DNM3: variants seen among roughly 807,000 people sequenced by gnomAD.
DNM3 encodes dynamin 3.
In DNM3, 47 loss-of-function variants were observed where a neutral mutation model predicts 101.6. That is an observed-to-expected ratio of 0.46 (90% confidence interval 0.37 to 0.59). The LOEUF (loss-of-function observed/expected upper bound fraction) is 0.59, where lower values mean the gene tolerates loss of function less well. Ranked by LOEUF, DNM3 falls within the 20% of genes least tolerant of loss-of-function variation. The pLI, the probability that DNM3 is intolerant of heterozygous loss-of-function variation, is 0.00. For synonymous variants in DNM3, 385 were observed against 387.9 expected (o/e 0.99, Z 0.09); for missense variants, 849 against 1,085.7 (o/e 0.78, Z 3.06).
At chr1:172,223,863 C>A (rs1336225262) in intron 14 of DNM3, among the ~76,000 whole-genome samples, 2 of 152,062 alleles carry the variant, frequency 1.3e-5, no homozygotes, top group African/African-American at 4.8e-5. Flanking sequence ...CTTGATATTC[C>A]CACTGCCACG....
intron 1 of DNM3, among the ~76,000 whole-genome samples, chr1:171,886,452 C>G (rs941745830): frequency 2.0e-5 from 3 of 151,876 alleles, no homozygotes; most frequent in Non-Finnish European, 4.4e-5. Flanking sequence ...GCAAAGGGAA[C>G]ACAAAAAACA....
Position 172,160,837 on chromosome 1 carries a change from G to A in DNM3, c.1659+29549G>A, listed in dbSNP as rs184950840. Among the ~76,000 whole-genome samples the A allele has an allele frequency of 1.1e-4, 17 of 152,088 alleles. No homozygotes were observed. In the East Asian group the frequency reaches 3.1e-3, roughly 28 times the overall value. On this transcript the variant is annotated intron_variant, in intron 14 of 20. Coordinates refer to ENST00000627582, the MANE Select transcript of DNM3 (RefSeq NM_015569.5). ...ATAAGACTGGCAGCACAGTAAGTTT[G>A]TTTACACCAGCATCAGTATAAACAT...
chr1:172,181,008 C>A (rs1177627200), intron 14 of DNM3, among the ~76,000 whole-genome samples: 1 of 152,008 alleles, frequency 6.6e-6, no homozygotes, highest in Non-Finnish European at 1.5e-5. Context: ...TACCAAGTGC[C>A]GCCACTCCGC....
chr1:172,023,203 T>A (rs1275657518), intron 4 of DNM3, among the ~76,000 whole-genome samples: 2 of 152,142 alleles, frequency 1.3e-5, no homozygotes, highest in Non-Finnish European at 2.9e-5. Context: ...TATCAATTGC[T>A]CTCTTGGTCT....
chr1:171,877,415 T>C (rs2125110707), intron 1 of DNM3, among the ~76,000 whole-genome samples: 1 of 152,380 alleles, frequency 6.6e-6, no homozygotes, highest in East Asian at 1.9e-4. Flanking sequence ...GTTGAACTTA[T>C]CTAAGGTGAA....
chr1:171,976,449 A>G (rs1382862558), intron 2 of DNM3, among the ~76,000 whole-genome samples: 3 of 152,210 alleles, frequency 2.0e-5, no homozygotes, highest in Non-Finnish European at 4.4e-5. Flanking sequence ...TGTGCAGGGG[A>G]ACTCCCTTTT....
At chr1:172,338,689 G>A (rs543841589) in intron 17 of DNM3, 24 of 363,346 alleles carry the variant, frequency 6.6e-5, no homozygotes, top group East Asian at 5.5e-4. Flanking sequence ...CACCAGGTGC[G>A]CCCTGAGAGC....
chr1:172,389,514 T>A (rs958429965), intron 20 of DNM3, among the ~76,000 whole-genome samples: 1 of 152,202 alleles, frequency 6.6e-6, no homozygotes, highest in African/African-American at 2.4e-5. Context: ...GGAGCTGTAG[T>A]CTCACCTTCA....
rs1205112666 is a variant in DNM3 at position 172,379,196 on chromosome 1, A to T, written c.2058+14A>T. The T allele has an allele frequency of 6.3e-7, 1 of 1,587,218 alleles. No homozygotes were observed. Among genetic ancestry groups the T allele is most frequent in the Admixed American group, 1.8e-5 (1 of 56,782 alleles). ...ATGATCAATAACGTAAGTGATTATAAACTACCTCCATTTAACTTCTAACCC... is the reference window on the plus strand; with the variant it reads ...ATGATCAATAACGTAAGTGATTATATACTACCTCCATTTAACTTCTAACCC... On this transcript the variant is annotated intron_variant, in intron 18 of 20. Transcript: ENST00000627582.
intron 1 of DNM3, among the ~76,000 whole-genome samples, chr1:171,905,542 G>A (rs946049689): frequency 6.6e-6 from 1 of 152,102 alleles, no homozygotes; most frequent in Non-Finnish European, 1.5e-5. Context: ...AGGGCCTGAG[G>A]GAGACCTGTC....
intron 17 of DNM3, among the ~76,000 whole-genome samples, chr1:172,373,052 G>A (rs1219476170): frequency 6.6e-6 from 1 of 151,778 alleles, no homozygotes; most frequent in Non-Finnish European, 1.5e-5. Context: ...AATTCAGAAA[G>A]CATTATGTCT....
At position 172,116,019 on chromosome 1, in the gene DNM3, C is replaced by T. The variant is rs566060604; in HGVS notation, c.1546-15156C>T. Among the ~76,000 whole-genome samples, 19 of 152,202 alleles carry T rather than the reference C, an allele frequency of 1.2e-4. 1 individual carries two copies. The Middle Eastern group carries it at 0.014, about 109-fold the overall frequency. ...AAGTATTCAATAACCATCTATTCAACGGATGGATGGATGGATGGATCTTCT... is the reference window on the plus strand; with the variant it reads ...AAGTATTCAATAACCATCTATTCAATGGATGGATGGATGGATGGATCTTCT... On this transcript the variant is annotated intron_variant, in intron 13 of 20. Transcript: ENST00000627582.
At chr1:171,897,203 C>T (rs918339481) in intron 1 of DNM3, among the ~76,000 whole-genome samples, 3 of 152,068 alleles carry the variant, frequency 2.0e-5, no homozygotes, top group Admixed American at 6.6e-5. Flanking sequence ...CTGAATTTCA[C>T]GAATCAGTTT....
intron 17 of DNM3, 146 bp downstream of exon 17, chr1:172,323,486 G>GA: frequency 1.0e-6 from 1 of 954,746 alleles, no homozygotes; most frequent in East Asian, 2.7e-5. Flanking sequence ...AAATTTGGGG[G>GA]AAAATGTGCA....
chr1:171,848,924 G>T (rs1300283602), intron 1 of DNM3, among the ~76,000 whole-genome samples: 3 of 152,118 alleles, frequency 2.0e-5, no homozygotes, highest in Non-Finnish European at 4.4e-5. Flanking sequence ...TAATATCCCT[G>T]CTGCAAGTCC....
At chr1:172,229,864 G>A (rs1464251795) in intron 14 of DNM3, among the ~76,000 whole-genome samples, 1 of 152,020 alleles carries the variant, frequency 6.6e-6, no homozygotes, top group African/African-American at 2.4e-5. Context: ...TCCAAATTGT[G>A]CTGATTCTTC....
At chr1:172,287,073 C>T (rs528421729) in intron 15 of DNM3, among the ~76,000 whole-genome samples, 1 of 152,160 alleles carries the variant, frequency 6.6e-6, no homozygotes, top group Non-Finnish European at 1.5e-5. Flanking sequence ...AGCCAGTCCT[C>T]CTCTTTTGAG....
intron 2 of DNM3, among the ~76,000 whole-genome samples, chr1:171,940,943 A>G (rs552713895): frequency 4.6e-4 from 70 of 152,322 alleles, no homozygotes; most frequent in Non-Finnish European, 9.4e-4. Context: ...TTGATTTAGA[A>G]TGTAGGTGTA....
chr1:171,949,032 A>G (rs1333472173), intron 2 of DNM3, among the ~76,000 whole-genome samples: 1 of 152,122 alleles, frequency 6.6e-6, no homozygotes, highest in African/African-American at 2.4e-5. Flanking sequence ...ACTAAAAAAT[A>G]AAATCTTTTC....
Sources: gnomAD v4.1 joint callset for allele counts (sites outside exome capture counted in the v4.1 genomes callset) on GRCh38, gnomAD v4.1.1 for gene constraint, MANE v1.5 for transcripts, NCBI Gene and HGNC (gene_info 2026-07-23, HGNC 2026-07-21) for gene names.